Variants in TAF6L observed in about 807,000 individuals in gnomAD.
The protein encoded by TAF6L is TATA-box binding protein associated factor 6 like.
Under a neutral mutation model 57.3 loss-of-function variants are expected in TAF6L, and 34 were observed. The observed-to-expected ratio is 0.59, with a 90% CI of 0.45 to 0.79. The LOEUF is 0.79. Ranked by LOEUF, TAF6L falls within the 30% of genes least tolerant of loss-of-function variation. The probability of loss-of-function intolerance (pLI) is 0.00; values close to 1 mark genes in which losing one functional copy is unlikely to be tolerated. For missense variants in TAF6L, 782 were observed against 853.2 expected, an observed-to-expected ratio of 0.92 and a Z score of 1.04; for synonymous variants, 417 against 376.3, an observed-to-expected ratio of 1.11 and a Z score of -1.25.
chr11:62,781,703 G>T, intron 6 of TAF6L, 191 bp from the exon 7 acceptor site: 1 of 553,262 alleles, frequency 1.8e-6, no homozygotes, highest in Non-Finnish European at 3.2e-6. Flanking sequence ...TTGTATTCAG[G>T]GCCATATGCA....
intron 6 of TAF6L, among the ~76,000 whole-genome samples, chr11:62,779,971 T>C (rs1374809210): frequency 1.4e-5 from 1 of 70,940 alleles, no homozygotes; most frequent in Non-Finnish European, 3.5e-5. Context: ...TATATATATA[T>C]ATATATTTTT....
rs898887470 is a variant in TAF6L at position 62,773,534 on chromosome 11, G to C, written c.-14+2044G>C. On this transcript the variant is annotated intron_variant, in intron 1 of 10. Transcript: ENST00000294168. The stretch of plus-strand genomic sequence containing the variant: ...GCGATCTTGACTCACTGCAACCTCT[G>C]TCTCACGGGTTCAAGCGATTCTCCT... Among the ~76,000 whole-genome samples, 4 of 149,672 alleles carry C rather than the reference G, an allele frequency of 2.7e-5. No homozygotes were observed. In the East Asian group the frequency reaches 7.9e-4, roughly 30 times the overall value.
At chr11:62,780,500 A>T (rs2084220673) in intron 6 of TAF6L, among the ~76,000 whole-genome samples, 1 of 150,536 alleles carries the variant, frequency 6.6e-6, no homozygotes, top group South Asian at 2.1e-4. Flanking sequence ...AACAAGAACA[A>T]AACTTCATCT....
At chr11:62,774,702 A>C (rs2084172597) in intron 1 of TAF6L, 1 of 454,334 alleles carries the variant, frequency 2.2e-6, no homozygotes, top group Non-Finnish European at 4.4e-6. Context: ...TAGGCACTGC[A>C]GCCAAACTGG....
At chr11:62,783,364 C>G (rs981708075) in intron 9 of TAF6L, among the ~76,000 whole-genome samples, 1 of 151,892 alleles carries the variant, frequency 6.6e-6, no homozygotes, top group Non-Finnish European at 1.5e-5. Context: ...CGCCTGTAGT[C>G]CCAGCTACTC....
chr11:62,772,568 C>G (rs950931004), intron 1 of TAF6L, among the ~76,000 whole-genome samples: 4 of 146,690 alleles, frequency 2.7e-5, no homozygotes, highest in Non-Finnish European at 5.9e-5. Context: ...GTGGCTCTCA[C>G]GCCTGTAATT....
intron 1 of TAF6L, among the ~76,000 whole-genome samples, chr11:62,773,829 G>A (rs1022682329): frequency 1.3e-5 from 2 of 152,200 alleles, no homozygotes; most frequent in Non-Finnish European, 2.9e-5. Flanking sequence ...AGTGACATTT[G>A]AACTGAAATC....
chr11:62,781,877 T>G lies in TAF6L; in HGVS notation c.532-17T>G. 1 of 1,613,438 alleles carries G rather than the reference T, an allele frequency of 6.2e-7. No homozygotes were observed. The highest frequency in any genetic ancestry group is 2.2e-5 in the East Asian group (1 of 44,892). ...ATTTTCTGGTGGATCCAATGCAGTC[T>G]GGGCCCTTCCTTTTAGGTTGCACTC... On this transcript the variant is annotated splice_polypyrimidine_tract_variant and intron_variant, in intron 6 of 10. Coordinates refer to ENST00000294168, the MANE Select transcript of TAF6L (RefSeq NM_006473.4).
chr11:62,775,719 G>A (rs961343942), intron 1 of TAF6L, 52 bp from the exon 2 acceptor site: 1 of 1,548,532 alleles, frequency 6.5e-7, no homozygotes. Context: ...TCACACTCCT[G>A]GGCTCTCCGG....
At chr11:62,777,892 G>A in intron 3 of TAF6L, 86 bp from the exon 4 acceptor site, 1 of 1,499,436 alleles carries the variant, frequency 6.7e-7, no homozygotes, top group Non-Finnish European at 9.1e-7. Flanking sequence ...TGGGCTCTCT[G>A]CTCTGGTCAG....
At chr11:62,783,899 T>C (rs1174369728) in intron 9 of TAF6L, among the ~76,000 whole-genome samples, 3 of 150,824 alleles carry the variant, frequency 2.0e-5, no homozygotes, top group African/African-American at 7.3e-5. Flanking sequence ...GGATTCTTCT[T>C]CTGAACCACT....
intron 1 of TAF6L, among the ~76,000 whole-genome samples, chr11:62,774,826 G>A (rs2084173475): frequency 6.7e-6 from 1 of 150,184 alleles, no homozygotes; most frequent in Non-Finnish European, 1.5e-5. Flanking sequence ...GCACGTGCCT[G>A]TAATCCCAGC....
Position 62,786,393 on chromosome 11 carries a change from G to C in TAF6L, c.1089+5G>C. 6.2e-7 allele frequency: 1 copy of C among 1,611,502 alleles called. No individual in the cohort carries two copies. Among genetic ancestry groups the C allele is most frequent in the South Asian group, 1.1e-5 (1 of 91,036 alleles). Reference sequence around the variant, plus strand: ...AAAGTCTATGGAGCCATTCTGGTGAGTACCGTCCCCTTCCAGCCTCCCTTC... The same window carrying C: ...AAAGTCTATGGAGCCATTCTGGTGACTACCGTCCCCTTCCAGCCTCCCTTC... On this transcript the variant is annotated splice_donor_5th_base_variant and intron_variant, in intron 10 of 10. Transcript: ENST00000294168.
At chr11:62,782,028 G>A (rs1409912956) in intron 7 of TAF6L, 60 bp downstream of exon 7, 3 of 1,602,798 alleles carry the variant, frequency 1.9e-6, no homozygotes, top group African/African-American at 1.3e-5. Flanking sequence ...CCCAGCAGGT[G>A]TAGGGCTCAT....
Position 62,779,778 on chromosome 11 carries a change from A to G in TAF6L, c.531+815A>G, listed in dbSNP as rs1590934976. On this transcript the variant is annotated intron_variant, in intron 6 of 10. Transcript: ENST00000294168. ...CCTCTTGGGTTCAAGCAATTCTCCC[A>G]CCTCAGCTTCCCAAGTAGCTGGGAT... 4.7e-5 allele frequency among the ~76,000 whole-genome samples: 7 copies of G among 150,280 alleles called. No individual in the cohort carries two copies. In the East Asian group the frequency reaches 1.4e-3, roughly 30 times the overall value.
chr11:62,782,550 C>A, intron 8 of TAF6L, 143 bp from the exon 9 acceptor site: 1 of 1,273,196 alleles, frequency 7.9e-7, no homozygotes, highest in Non-Finnish European at 1.1e-6. Context: ...AGGTCCTAGG[C>A]CAGTCACCCC....
At chr11:62,785,989 G>T (rs1419447829) in intron 9 of TAF6L, 1 of 311,990 alleles carries the variant, frequency 3.2e-6, no homozygotes, top group African/African-American at 2.1e-5. Context: ...TTTTGGAGTT[G>T]TCAGTAATGA....
At chr11:62,783,993 A>G (rs373893479) in intron 9 of TAF6L, among the ~76,000 whole-genome samples, 28 of 2,820 alleles carry the variant, frequency 9.9e-3, no homozygotes, top group African/African-American at 0.029. Flanking sequence ...TGGCGCCACT[A>G]CACTCCAGCC....
At position 62,775,885 on chromosome 11, in the gene TAF6L, G is replaced by A. The variant is rs149856351; in HGVS notation, c.102G>A (p.Ala34=). ...TGGAGCTGAGCGATGAGGTGGCGGC[G>A]CTGCTCGCAGAGGACGTGTGCTATC... is the stretch of plus-strand genomic sequence containing the variant. ...TGLELSDEVA[A]LLAEDVCYRL... Residue 34 remains alanine (A), a synonymous_variant, in exon 2 of 11, where the codon GCG becomes GCA. Coordinates refer to ENST00000294168, the MANE Select transcript of TAF6L (RefSeq NM_006473.4). The A allele has an allele frequency of 6.8e-6, 11 of 1,613,812 alleles. No homozygotes were observed. Among genetic ancestry groups the A allele is most frequent in the Middle Eastern group, 1.6e-4 (1 of 6,084 alleles).
Sources: allele counts gnomAD v4.1 joint callset (sites outside exome capture counted in the v4.1 genomes callset), GRCh38; gene constraint gnomAD v4.1.1; transcripts MANE v1.5; gene names NCBI Gene and HGNC (gene_info 2026-07-23, HGNC 2026-07-21).